HYDIN: variants seen among roughly 807,000 people sequenced by gnomAD.
HYDIN encodes axonemal central pair apparatus protein HYDIN.
HYDIN carries 132 observed loss-of-function variants against 403.9 expected under a neutral mutation model. The ratio of observed to expected loss-of-function variants is 0.33; its 90% CI spans 0.28 to 0.38. The LOEUF (loss-of-function observed/expected upper bound fraction) is 0.38, where lower values mean the gene tolerates loss of function less well. Among genes scored for constraint, HYDIN ranks in the 10% least tolerant of loss-of-function variants. The pLI is 1.00. For synonymous variants in HYDIN, 1,202 were observed against 1,891.7 expected, an observed-to-expected ratio of 0.64 and a Z score of 9.46; for missense variants, 2,827 against 5,009.5, an observed-to-expected ratio of 0.56 and a Z score of 13.15.
chr16:70,859,117 C>A (rs529225164), intron 71 of HYDIN, among the ~76,000 whole-genome samples: 1 of 151,368 alleles, frequency 6.6e-6, no homozygotes, highest in Non-Finnish European at 1.5e-5. Flanking sequence ...CTGGCTAACA[C>A]GGTGAAACAC....
At chr16:70,881,563 G>T (rs1199453199) in intron 60 of HYDIN, among the ~76,000 whole-genome samples, 2 of 146,188 alleles carry the variant, frequency 1.4e-5, no homozygotes, top group African/African-American at 5.4e-5. Context: ...AGCTGAGATT[G>T]CGCCACTGCA....
chr16:70,999,226 C>T (rs2144067556), intron 23 of HYDIN, among the ~76,000 whole-genome samples: 1 of 152,262 alleles, frequency 6.6e-6, no homozygotes, highest in African/African-American at 2.4e-5. Context: ...GCCTGAATCC[C>T]AACCATAGAG....
intron 78 of HYDIN, among the ~76,000 whole-genome samples, chr16:70,834,590 G>C (rs1224585589): frequency 6.6e-6 from 1 of 152,236 alleles, no homozygotes; most frequent in South Asian, 2.1e-4. Context: ...GCTCACGCCT[G>C]TAATCCCAGC....
intron 9 of HYDIN, among the ~76,000 whole-genome samples, chr16:71,126,640 C>T (rs1288120901): frequency 4.6e-5 from 7 of 152,098 alleles, no homozygotes; most frequent in Non-Finnish European, 1.0e-4. Context: ...CACAACATGG[C>T]AGTCAGGAGG....
rs1408481456 is a variant in HYDIN, at chr16:70,901,178, GAGA to G, written c.8871_8873del (p.Leu2958del). 9 of 903,488 alleles carry G rather than the reference GAGA, an allele frequency of 1.0e-5. No individual in the cohort carries two copies. The Middle Eastern group carries it at 1.1e-3, about 106-fold the overall frequency. 56.0% of individuals were successfully genotyped at this position (903,488 alleles called of 1,614,324 possible). On this transcript the variant is annotated inframe_deletion, in exon 53 of 86. Coordinates refer to ENST00000393567, the MANE Select transcript of HYDIN (RefSeq NM_001270974.2). Reference sequence around the variant, plus strand: ...CCACAGGCAGGAGCGTGACATTGCGGAGAAGAACTACCCTGGATTCCTGTCTGC... The same window carrying G: ...CCACAGGCAGGAGCGTGACATTGCGGAGAACTACCCTGGATTCCTGTCTGC...
chr16:70,807,446 T>A lies in HYDIN; in HGVS notation c.*134A>T. 1.0e-6 allele frequency: 1 copy of A among 955,930 alleles called. No homozygotes were observed. Among genetic ancestry groups the A allele is most frequent in the Admixed American group, 2.4e-5 (1 of 40,822 alleles). 59.2% of individuals were successfully genotyped at this position (955,930 alleles called of 1,614,324 possible). ...ATATCTATATTTGGAAAACACATAA[T>A]AGGGAAATAACTGCCCTATAATTGT... is the stretch of plus-strand genomic sequence containing the variant. On this transcript the variant is annotated 3_prime_UTR_variant, in exon 86 of 86. Coordinates refer to ENST00000393567, the MANE Select transcript of HYDIN (RefSeq NM_001270974.2).
chr16:71,224,932 T>C (rs895767891), intron 1 of HYDIN, among the ~76,000 whole-genome samples: 2 of 152,122 alleles, frequency 1.3e-5, no homozygotes, highest in Non-Finnish European at 2.9e-5. Flanking sequence ...CATCAATGAG[T>C]TGAAGTTACT....
chr16:70,996,530 G>T (rs1225702100), intron 23 of HYDIN, among the ~76,000 whole-genome samples: 1 of 151,916 alleles, frequency 6.6e-6, no homozygotes, highest in Non-Finnish European at 1.5e-5. Context: ...GTTAGTAAGA[G>T]AACCCTCCGC....
chr16:70,818,147 C>T (rs948994827), intron 84 of HYDIN, among the ~76,000 whole-genome samples, 195 bp downstream of exon 84: 11 of 152,198 alleles, frequency 7.2e-5, no homozygotes, highest in South Asian at 2.1e-4. Context: ...GAATTCCAAA[C>T]GATGTGCCCA....
rs767375464 is a variant in HYDIN at position 70,904,518 on chromosome 16, T to TTTTTTTTTTTTTTTTTTTG, written c.8517-455_8517-454insCAAAAAAAAAAAAAAAAAA. 4.1e-3 allele frequency among the ~76,000 whole-genome samples: 151 copies of TTTTTTTTTTTTTTTTTTTG among 37,012 alleles called. 60 individuals carry two copies. Among genetic ancestry groups the TTTTTTTTTTTTTTTTTTTG allele is most frequent in the Non-Finnish European group, 6.2e-3 (119 of 19,124 alleles). The allele number at this position is 37,012 out of a possible 152,430, so 24.3% of individuals were successfully genotyped here. A position where few individuals can be genotyped will look rare whatever the true frequency, so the allele number is the denominator to read the frequency against. On this transcript the variant is annotated intron_variant, in intron 50 of 85. Coordinates refer to ENST00000393567, the MANE Select transcript of HYDIN (RefSeq NM_001270974.2). ...TTTTTTTTTTTTTTTTTTTTTTTTT[T>TTTTTTTTTTTTTTTTTTTG]TGAGGGAGTTTCGTTCTTGTTGCCC...
At chr16:70,902,821 A>ATATATTTTTT in intron 52 of HYDIN, among the ~76,000 whole-genome samples, 13 of 47,300 alleles carry the variant, frequency 2.7e-4, no homozygotes, top group Admixed American at 2.0e-3. Flanking sequence ...ATATATATAT[A>ATATATTTTTT]TTTTTTTTTT....
In HYDIN at chr16:70,961,942, C is replaced by T. The variant is rs1354548; in HGVS notation, c.5968+17G>A. On this transcript the variant is annotated intron_variant, in intron 38 of 85. Coordinates refer to ENST00000393567, the MANE Select transcript of HYDIN (RefSeq NM_001270974.2). Reference sequence around the variant, plus strand: ...CTTGGAGAGAACTAGTATCAAAACACTAAAATGCTCGGTTACTTTGGAAAA... The same window carrying T: ...CTTGGAGAGAACTAGTATCAAAACATTAAAATGCTCGGTTACTTTGGAAAA... The T allele has an allele frequency of 0.095, 91,944 of 967,006 alleles. 21,242 individuals are homozygous for T. Among genetic ancestry groups the T allele is most frequent in the African/African-American group, 0.77 (22,631 of 29,430 alleles). The allele number at this position is 967,006 out of a possible 1,614,324, so 59.9% of individuals were successfully genotyped here. A position where few individuals can be genotyped will look rare whatever the true frequency, so the allele number is the denominator to read the frequency against.
rs183430928 is a variant in HYDIN, at chr16:70,984,687, T to A, written c.4332+498A>T. On this transcript the variant is annotated intron_variant, in intron 28 of 85. Coordinates refer to ENST00000393567, the MANE Select transcript of HYDIN (RefSeq NM_001270974.2). ...ACACTTTAAAAATATTTTCCTTTTT[T>A]AATAACAATTATGTGCTATTTTCAT... Among the ~76,000 whole-genome samples the A allele has an allele frequency of 2.8e-3, 360 of 127,740 alleles. 14 individuals are homozygous for A. The highest frequency in any genetic ancestry group is 8.0e-4 in the Non-Finnish European group (51 of 64,116). 83.8% of individuals were successfully genotyped at this position (127,740 alleles called of 152,430 possible). A position where few individuals can be genotyped will look rare whatever the true frequency, so the allele number is the denominator to read the frequency against.
chr16:70,891,115 C>T, intron 57 of HYDIN, among the ~76,000 whole-genome samples: 1 of 152,080 alleles, frequency 6.6e-6, no homozygotes, highest in Non-Finnish European at 1.5e-5. Context: ...ATCTATGAAA[C>T]CTGGAGTCAG....
intron 28 of HYDIN, 41 bp downstream of exon 28, chr16:70,985,144 C>T (rs536735230): frequency 6.2e-7 from 1 of 1,600,288 alleles, no homozygotes; most frequent in Admixed American, 1.7e-5. Flanking sequence ...CGGAGTGGGG[C>T]TCGTAGGTTT....
intron 5 of HYDIN, among the ~76,000 whole-genome samples, chr16:71,169,780 T>C (rs1348789867): frequency 2.0e-5 from 3 of 152,006 alleles, no homozygotes; most frequent in Non-Finnish European, 4.4e-5. Context: ...AAATTGAAAA[T>C]TGCTAAGAAA....
chr16:70,919,411 C>T (rs1487592502), intron 46 of HYDIN, among the ~76,000 whole-genome samples: 2 of 151,922 alleles, frequency 1.3e-5, no homozygotes, highest in Admixed American at 1.3e-4. Context: ...TGTTGTGTGT[C>T]CCCCAGCAGT....
chr16:71,197,068 A>C (rs1380686317), intron 1 of HYDIN, among the ~76,000 whole-genome samples: 1 of 152,182 alleles, frequency 6.6e-6, no homozygotes, highest in East Asian at 1.9e-4. Context: ...TGTGAAATCC[A>C]AGAACCCTCT....
intron 62 of HYDIN, among the ~76,000 whole-genome samples, chr16:70,876,045 G>A (rs916829148): frequency 5.9e-5 from 9 of 152,092 alleles, no homozygotes; most frequent in South Asian, 2.1e-4. Context: ...ACAGAGCTAC[G>A]AAGAGAATGA....
Sources: gnomAD v4.1 joint callset for allele counts (sites outside exome capture counted in the v4.1 genomes callset) on GRCh38, gnomAD v4.1.1 for gene constraint, MANE v1.5 for transcripts, NCBI Gene and HGNC (gene_info 2026-07-23, HGNC 2026-07-21) for gene names.